DST: variants seen among roughly 807,000 people sequenced by gnomAD.
DST encodes the protein bullous pemphigoid antigen.
A neutral mutation model predicts 875.2 loss-of-function variants in DST; 253 were observed. That is an observed-to-expected ratio of 0.29 (90% CI 0.26 to 0.32). DST has a LOEUF of 0.32. Ranked by LOEUF, DST falls within the 10% of genes least tolerant of loss-of-function variation. The probability of loss-of-function intolerance (pLI) is 1.00; values close to 1 mark genes in which losing one functional copy is unlikely to be tolerated. For synonymous variants in DST, 3,124 were observed against 3,197.1 expected (o/e 0.98, Z 0.77); for missense variants, 8,287 against 9,111.6 (o/e 0.91, Z 3.68).
At chr6:56,466,250 A>T in intron 98 of DST, 55 bp from the exon 99 acceptor site, 1 of 1,261,818 alleles carries the variant, frequency 7.9e-7, no homozygotes, top group Non-Finnish European at 1.1e-6. Flanking sequence ...TCTAAACTAC[A>T]GGATGATGTG....
At chr6:56,802,305 T>C (rs565805026) in intron 4 of DST, among the ~76,000 whole-genome samples, 1 of 152,308 alleles carries the variant, frequency 6.6e-6, no homozygotes, top group South Asian at 2.1e-4. Context: ...CTTAGCTCTA[T>C]GAATTTAAGT....
At chr6:56,675,280 G>A (rs574144497) in intron 9 of DST, among the ~76,000 whole-genome samples, 13 of 152,172 alleles carry the variant, frequency 8.5e-5, no homozygotes, top group South Asian at 8.3e-4. Flanking sequence ...AGACTTACAC[G>A]TAAGACCTAA....
rs764348229 is a variant in DST at position 56,526,387 on chromosome 6, C to T, written c.18103G>A (p.Asp6035Asn). Residue 6035 changes from aspartate (D) to asparagine (N), a missense_variant, in exon 69 of 104, where the codon GAT (aspartate) becomes AAT (asparagine). Coordinates refer to ENST00000680361, the MANE Select transcript of DST (RefSeq NM_001374736.1). ...DTITQKVEEI[D>N]AAILRSQQFD... is the part of the protein sequence containing the mutation. ...TGCTGTGATCGCAGAATGGCTGCAT[C>T]GATCTCCTCCACCTTCTGAGTGATG... 1.9e-6 allele frequency: 3 copies of T among 1,613,776 alleles called. No homozygotes were observed. Among genetic ancestry groups the T allele is most frequent in the East Asian group, 2.2e-5 (1 of 44,880 alleles).
chr6:56,648,126 G>A (rs979835164), intron 13 of DST, among the ~76,000 whole-genome samples: 2 of 152,176 alleles, frequency 1.3e-5, no homozygotes, highest in Non-Finnish European at 2.9e-5. Context: ...GTGAAATACT[G>A]TGTACCTCTT....
intron 5 of DST, among the ~76,000 whole-genome samples, chr6:56,715,826 A>G (rs561219289): frequency 4.6e-5 from 7 of 152,232 alleles, no homozygotes; most frequent in Admixed American, 3.9e-4. Flanking sequence ...TACCCAGGCC[A>G]TTGTTCTTTA....
At chr6:56,713,640 G>A (rs2099385484) in intron 5 of DST, among the ~76,000 whole-genome samples, 2 of 152,184 alleles carry the variant, frequency 1.3e-5, no homozygotes, top group African/African-American at 2.4e-5. Flanking sequence ...GGTGCAGCCA[G>A]CCAGGAGTGC....
At chr6:56,691,210 T>C (rs1419850634) in intron 9 of DST, among the ~76,000 whole-genome samples, 1 of 152,206 alleles carries the variant, frequency 6.6e-6, no homozygotes, top group Non-Finnish European at 1.5e-5. Context: ...AGTGCTTATA[T>C]TCATAAACAT....
chr6:56,708,115 C>T (rs2099348527), intron 5 of DST, among the ~76,000 whole-genome samples: 1 of 152,100 alleles, frequency 6.6e-6, no homozygotes, highest in Non-Finnish European at 1.5e-5. Flanking sequence ...AAAGAGAAAA[C>T]CTGTGATAAG....
At chr6:56,867,559 T>C (rs140934163) in intron 3 of DST, among the ~76,000 whole-genome samples, 2,051 of 152,290 alleles carry the variant, frequency 0.013, 40 homozygotes, top group African/African-American at 0.041. Context: ...CGGAGGCTCA[T>C]GCCTGTAATC....
At chr6:56,545,499 AACT>A (rs988797176) in intron 61 of DST, among the ~76,000 whole-genome samples, 2 of 151,778 alleles carry the variant, frequency 1.3e-5, no homozygotes, top group African/African-American at 2.4e-5. Context: ...AAAAGTACAC[AACT>A]ACTAATTGAA....
In DST at chr6:56,782,548, T is replaced by G. The variant is rs2099696287; in HGVS notation, c.626-47259A>C. ...AGTATTCTCTGATGGTAGTTTGTAT[T>G]TCTGTGGGATTGGTGGTGATATCCC... On this transcript the variant is annotated intron_variant, in intron 4 of 103. Transcript: ENST00000680361. Among the ~76,000 whole-genome samples, 2 of 152,224 alleles carry G rather than the reference T, an allele frequency of 1.3e-5. 1 individual carries two copies.
At chr6:56,565,334 T>C (rs965752461) in intron 55 of DST, among the ~76,000 whole-genome samples, 7 of 152,110 alleles carry the variant, frequency 4.6e-5, no homozygotes, top group African/African-American at 1.4e-4. Context: ...TTAACCACGA[T>C]GGTCTCAATC....
rs189795720 is a variant in DST, at chr6:56,774,782, C to T, written c.626-39493G>A. On this transcript the variant is annotated intron_variant, in intron 4 of 103. Transcript: ENST00000680361. Reference sequence around the variant, plus strand: ...CCGAGATGGGCTGATCACCTGAGGTCGGGAGTTCAAGACCAGCCTGACCAA... The same window carrying T: ...CCGAGATGGGCTGATCACCTGAGGTTGGGAGTTCAAGACCAGCCTGACCAA... Among the ~76,000 whole-genome samples the T allele has an allele frequency of 2.1e-3, 323 of 152,178 alleles. 1 individual carries two copies. Among genetic ancestry groups the T allele is most frequent in the Admixed American group, 2.9e-3 (44 of 15,286 alleles).
At chr6:56,678,899 T>C (rs2099143569) in intron 9 of DST, among the ~76,000 whole-genome samples, 1 of 152,220 alleles carries the variant, frequency 6.6e-6, no homozygotes, top group African/African-American at 2.4e-5. Flanking sequence ...AAAGTTTTTT[T>C]CTTTTCTCTT....
In DST at chr6:56,530,114, T is replaced by C. The variant is rs748675779; in HGVS notation, c.17128A>G (p.Ile5710Val). Reference protein sequence around the residue: ...AETRNRQLEGISVVAQQFHET... With the variant: ...AETRNRQLEGVSVVAQQFHET... ...TGAAATTGCTGTGCTACCACCGAGATACCTTCCAACTGACGATTCCTACAA... is the reference window on the plus strand; with the variant it reads ...TGAAATTGCTGTGCTACCACCGAGACACCTTCCAACTGACGATTCCTACAA... The change falls in exon 65 of 104, where the codon ATC becomes GTC. Residue 5710 changes from isoleucine to valine, a missense_variant. Ile to Val is a conservative substitution (Grantham distance 29, BLOSUM62 3). Coordinates refer to ENST00000680361, the MANE Select transcript of DST (RefSeq NM_001374736.1). 1 of 1,601,962 alleles carries C rather than the reference T, an allele frequency of 6.2e-7. No homozygotes were observed. Among genetic ancestry groups the C allele is most frequent in the Admixed American group, 1.7e-5 (1 of 57,636 alleles).
intron 2 of DST, among the ~76,000 whole-genome samples, 152 bp downstream of exon 2, chr6:56,953,633 A>C (rs1039370397): frequency 2.6e-5 from 4 of 152,206 alleles, no homozygotes; most frequent in South Asian, 2.1e-4. Flanking sequence ...ACTAATATGA[A>C]ATCACTTAAA....
At chr6:56,651,090 G>A (rs2098973348) in intron 11 of DST, 42 bp downstream of exon 11, 1 of 1,587,330 alleles carries the variant, frequency 6.3e-7, no homozygotes, top group African/African-American at 1.3e-5. Flanking sequence ...CTTTTGATCA[G>A]ACTTTCATGC....
intron 54 of DST, 68 bp from the exon 55 acceptor site, chr6:56,568,663 T>G: frequency 7.5e-7 from 1 of 1,335,844 alleles, no homozygotes; most frequent in South Asian, 1.5e-5. Context: ...TAATTCAGTT[T>G]CTTAAACATA....
rs542680828 is a variant in DST, at chr6:56,621,472, G to A, written c.4929+3058C>T. Among the ~76,000 whole-genome samples, 30 of 152,234 alleles carry A rather than the reference G, an allele frequency of 2.0e-4. 1 individual carries two copies. In the South Asian group the frequency reaches 5.8e-3, roughly 29 times the overall value. Reference sequence around the variant, plus strand: ...TCATATACTCACAGATTTTGTTGCTGTTGTTAATAACATGCCTCATATGAA... The same window carrying A: ...TCATATACTCACAGATTTTGTTGCTATTGTTAATAACATGCCTCATATGAA... On this transcript the variant is annotated intron_variant, in intron 36 of 103. Coordinates refer to ENST00000680361, the MANE Select transcript of DST (RefSeq NM_001374736.1).
Sources: gnomAD v4.1 joint callset for allele counts (sites outside exome capture counted in the v4.1 genomes callset) on GRCh38, gnomAD v4.1.1 for gene constraint, MANE v1.5 for transcripts, NCBI Gene and HGNC (gene_info 2026-07-23, HGNC 2026-07-21) for gene names.